The following TSHZ2 variants were observed in gnomAD, a reference collection of about 807,000 sequenced individuals.
The protein encoded by TSHZ2 is teashirt homolog 2.
In TSHZ2, 21 loss-of-function variants were observed where a neutral mutation model predicts 74.4. The ratio of observed to expected loss-of-function variants is 0.28; its 90% CI spans 0.20 to 0.41. TSHZ2 has a LOEUF of 0.41. TSHZ2 is among the 10% of genes least tolerant of loss of function. The pLI, the probability that TSHZ2 is intolerant of heterozygous loss-of-function variation, is 1.00. For missense variants in TSHZ2, 1,244 were observed against 1,293.5 expected (o/e 0.96, Z 0.59); for synonymous variants, 540 against 515.3 (o/e 1.05, Z -0.65).
At chr20:53,232,627 C>T (rs985121187) in intron 1 of TSHZ2, among the ~76,000 whole-genome samples, 1 of 152,088 alleles carries the variant, frequency 6.6e-6, no homozygotes, top group Non-Finnish European at 1.5e-5. Flanking sequence ...AATCATCATA[C>T]ACAATGCTGG....
At chr20:53,062,818 C>T (rs1441551024) in intron 1 of TSHZ2, among the ~76,000 whole-genome samples, 1 of 152,200 alleles carries the variant, frequency 6.6e-6, no homozygotes, top group African/African-American at 2.4e-5. Flanking sequence ...CACAAGAGGC[C>T]TAGCTTTCAG....
At chr20:53,313,572 C>T (rs780071815) in intron 2 of TSHZ2, among the ~76,000 whole-genome samples, 3 of 152,150 alleles carry the variant, frequency 2.0e-5, no homozygotes, top group Non-Finnish European at 4.4e-5. Context: ...TCTCATTATA[C>T]CTAAAAGTCC....
intron 1 of TSHZ2, among the ~76,000 whole-genome samples, chr20:53,099,391 C>T (rs934074497): frequency 3.3e-5 from 5 of 152,188 alleles, no homozygotes; most frequent in South Asian, 4.1e-4. Context: ...AGCTTAGACT[C>T]GACTTCTTGC....
rs116585805 is a variant in TSHZ2, at chr20:53,202,385, T to C, written c.41-51114T>C. On this transcript the variant is annotated intron_variant, in intron 1 of 2. Transcript: ENST00000371497. ...AATCGTCGCACAGAAAGAATTAACC[T>C]TAATATAAAGACTTTGCAACTTGGT... Among the ~76,000 whole-genome samples, 303 of 152,310 alleles carry C rather than the reference T, an allele frequency of 2.0e-3. 1 individual carries two copies. Among genetic ancestry groups the C allele is most frequent in the African/African-American group, 7.0e-3 (290 of 41,558 alleles).
chr20:53,296,532 G>A (rs545606842), intron 2 of TSHZ2, among the ~76,000 whole-genome samples: 10 of 152,208 alleles, frequency 6.6e-5, no homozygotes, highest in South Asian at 2.1e-4. Flanking sequence ...GCATTTCCAG[G>A]GTTGTTTCAT....
At chr20:53,203,384 G>C (rs1360387268) in intron 1 of TSHZ2, among the ~76,000 whole-genome samples, 2 of 151,872 alleles carry the variant, frequency 1.3e-5, no homozygotes, top group African/African-American at 4.8e-5. Context: ...TAGTAGAGAT[G>C]GGGTTTCACC....
At chr20:53,205,530 C>T (rs1299959984) in intron 1 of TSHZ2, among the ~76,000 whole-genome samples, 1 of 152,154 alleles carries the variant, frequency 6.6e-6, no homozygotes, top group Non-Finnish European at 1.5e-5. Flanking sequence ...TTTTAAAACT[C>T]GTATAAAAAG....
At chr20:53,010,577 G>GAAACA (rs914040359) in intron 1 of TSHZ2, among the ~76,000 whole-genome samples, 7 of 151,862 alleles carry the variant, frequency 4.6e-5, no homozygotes, top group African/African-American at 1.7e-4. Context: ...AACTAGATTG[G>GAAACA]AAACAAAACA....
intron 1 of TSHZ2, among the ~76,000 whole-genome samples, chr20:53,078,207 A>G (rs898538261): frequency 6.6e-6 from 1 of 152,244 alleles, no homozygotes; most frequent in African/African-American, 2.4e-5. Flanking sequence ...CCAAAATCTA[A>G]AAACATATGA....
At chr20:53,342,356 G>A (rs917446615) in intron 2 of TSHZ2, among the ~76,000 whole-genome samples, 1 of 147,168 alleles carries the variant, frequency 6.8e-6, no homozygotes, top group African/African-American at 2.5e-5. Context: ...TACTGGTCAG[G>A]TATACTGTAG....
intron 1 of TSHZ2, among the ~76,000 whole-genome samples, chr20:53,174,517 C>T (rs1988278303): frequency 6.6e-6 from 1 of 152,184 alleles, no homozygotes; most frequent in Admixed American, 6.5e-5. Flanking sequence ...TTCAAATCTG[C>T]TTCTGCTAAC....
At chr20:53,212,317 C>A (rs1348518610) in intron 1 of TSHZ2, among the ~76,000 whole-genome samples, 1 of 152,196 alleles carries the variant, frequency 6.6e-6, no homozygotes, top group Non-Finnish European at 1.5e-5. Flanking sequence ...TTTGGAGAAA[C>A]CTAACTCTTG....
chr20:53,233,631 C>A (rs896936248), intron 1 of TSHZ2, among the ~76,000 whole-genome samples: 2 of 152,148 alleles, frequency 1.3e-5, no homozygotes, highest in Non-Finnish European at 2.9e-5. Context: ...ACATAGCTAG[C>A]AAGTGATAGA....
intron 2 of TSHZ2, among the ~76,000 whole-genome samples, chr20:53,446,288 G>A (rs952592591): frequency 1.3e-5 from 2 of 151,868 alleles, no homozygotes; most frequent in Non-Finnish European, 2.9e-5. Context: ...TTTTGGCCAG[G>A]CGCGGTGACT....
chr20:53,146,728 A>G (rs114199640), intron 1 of TSHZ2, among the ~76,000 whole-genome samples: 2 of 152,334 alleles, frequency 1.3e-5, no homozygotes, highest in African/African-American at 2.4e-5. Context: ...TTGGTAGGCA[A>G]GTCAGTGTTG....
At chr20:53,332,914 C>T (rs1202777383) in intron 2 of TSHZ2, among the ~76,000 whole-genome samples, 1 of 152,208 alleles carries the variant, frequency 6.6e-6, no homozygotes, top group Non-Finnish European at 1.5e-5. Context: ...CCAGCCACTA[C>T]CACCTCTTCT....
chr20:53,324,466 C>T (rs1979412471), intron 2 of TSHZ2, among the ~76,000 whole-genome samples: 1 of 152,310 alleles, frequency 6.6e-6, no homozygotes, highest in Non-Finnish European at 1.5e-5. Flanking sequence ...CAGGCTCAAA[C>T]TCCTGGGCTC....
chr20:53,082,621 G>A (rs1319565314), intron 1 of TSHZ2, among the ~76,000 whole-genome samples: 4 of 152,192 alleles, frequency 2.6e-5, no homozygotes, highest in African/African-American at 9.6e-5. Flanking sequence ...CCTTTCAAAG[G>A]ACTTCTGTGC....
At chr20:53,241,187 T>C (rs1449482212) in intron 1 of TSHZ2, among the ~76,000 whole-genome samples, 1 of 152,186 alleles carries the variant, frequency 6.6e-6, no homozygotes, top group Non-Finnish European at 1.5e-5. Flanking sequence ...CCTGGAGAGT[T>C]TTCCATTAGA....
Sources: gnomAD v4.1 joint callset for allele counts (sites outside exome capture counted in the v4.1 genomes callset) on GRCh38, gnomAD v4.1.1 for gene constraint, MANE v1.5 for transcripts, NCBI Gene and HGNC (gene_info 2026-07-23, HGNC 2026-07-21) for gene names.